The following EXD1 variants were observed in gnomAD, a reference collection of about 807,000 sequenced individuals.
EXD1 encodes the protein piRNA biogenesis protein EXD1.
A neutral mutation model predicts 49.1 loss-of-function variants in EXD1; 63 were observed. That is an observed-to-expected ratio of 1.28 (90% CI 1.05 to 1.58). EXD1 has a LOEUF of 1.58. Among genes scored for constraint, EXD1 ranks in the 40% most tolerant of loss-of-function variants. The pLI, the probability that EXD1 is intolerant of heterozygous loss-of-function variation, is 0.00. For synonymous variants in EXD1, 234 were observed against 239.2 expected (o/e 0.98, Z 0.20); for missense variants, 748 against 666.0 (o/e 1.12, Z -1.36).
intron 6 of EXD1, among the ~76,000 whole-genome samples, chr15:41,211,620 C>T (rs79360426): frequency 0.16 from 24,331 of 151,362 alleles, 3,567 homozygotes; most frequent in African/African-American, 0.39. Flanking sequence ...CCCAGGAGTT[C>T]GAGACCAGCC....
intron 2 of EXD1, among the ~76,000 whole-genome samples, chr15:41,226,134 C>G (rs1455335612): frequency 6.7e-6 from 1 of 148,350 alleles, no homozygotes; most frequent in Non-Finnish European, 1.5e-5. Context: ...TGTCTGTAGT[C>G]CCAGCTACTC....
chr15:41,229,821 C>A (rs1218440444), intron 1 of EXD1, among the ~76,000 whole-genome samples: 3 of 152,282 alleles, frequency 2.0e-5, no homozygotes, highest in Admixed American at 2.0e-4. Flanking sequence ...CAAACTAGAA[C>A]CTCAGCTTGC....
At chr15:41,208,247 T>G (rs1391727820) in intron 7 of EXD1, among the ~76,000 whole-genome samples, 6 of 151,502 alleles carry the variant, frequency 4.0e-5, no homozygotes, top group Admixed American at 6.6e-5. Context: ...AAAGCTAAGC[T>G]TGGCTAGCTG....
chr15:41,216,911 A>G, intron 4 of EXD1, 116 bp from the exon 5 acceptor site: 1 of 1,453,220 alleles, frequency 6.9e-7, no homozygotes, highest in Non-Finnish European at 9.3e-7. Flanking sequence ...TAGAGGACCC[A>G]TTCATCCACT....
chr15:41,216,254 C>T (rs2046997020), intron 5 of EXD1, among the ~76,000 whole-genome samples: 1 of 149,044 alleles, frequency 6.7e-6, no homozygotes, highest in South Asian at 2.1e-4. Context: ...TTCAGGGTTA[C>T]ATCAACTCTA....
chr15:41,196,375 G>T (rs1263900441), intron 7 of EXD1, among the ~76,000 whole-genome samples: 1 of 145,952 alleles, frequency 6.9e-6, no homozygotes, highest in East Asian at 2.0e-4. Context: ...GGAGTGCAGT[G>T]GCGCGATCTT....
chr15:41,224,185 G>T (rs1291926146), intron 2 of EXD1, among the ~76,000 whole-genome samples: 1 of 152,186 alleles, frequency 6.6e-6, no homozygotes, highest in Non-Finnish European at 1.5e-5. Context: ...TGATCCACCA[G>T]CCTCAGCCTC....
At chr15:41,202,884 C>T (rs543860138) in intron 7 of EXD1, among the ~76,000 whole-genome samples, 4 of 148,744 alleles carry the variant, frequency 2.7e-5, no homozygotes, top group East Asian at 2.0e-4. Flanking sequence ...TGCCACTGCA[C>T]TCCAGCCTAG....
intron 7 of EXD1, among the ~76,000 whole-genome samples, chr15:41,202,267 C>T (rs529354501): frequency 1.3e-3 from 191 of 151,966 alleles, no homozygotes; most frequent in Non-Finnish European, 2.0e-3. Flanking sequence ...CTCTGCCTCC[C>T]GGGTTCAAGT....
Position 41,183,819 on chromosome 15 carries a change from T to C in EXD1, c.*112A>G, listed in dbSNP as rs575550820. 367 of 1,043,986 alleles carry C rather than the reference T, an allele frequency of 3.5e-4. 6 individuals are homozygous for C. In the South Asian group the frequency reaches 6.2e-3, roughly 18 times the overall value. 64.7% of individuals were successfully genotyped at this position (1,043,986 alleles called of 1,614,324 possible). A position where few individuals can be genotyped will look rare whatever the true frequency, so the allele number is the denominator to read the frequency against. ...TAAGCAAGAGGATATAATTTTCCCC[T>C]GTGACTGAAGCATTACTACATTTAC... On this transcript the variant is annotated 3_prime_UTR_variant, in exon 12 of 12. Transcript: ENST00000458580.
At position 41,230,527 on chromosome 15, in the gene EXD1, A is replaced by G. The variant is rs2047225462; in HGVS notation, c.-102T>C. On this transcript the variant is annotated 5_prime_UTR_variant, in exon 1 of 12. Coordinates refer to ENST00000458580, the MANE Select transcript of EXD1 (RefSeq NM_001286441.2). ...TCCATCGTTAGGGCTTTTTCCTCCG[A>G]AGGAAGTTTGGGAAATCTGGATCCT... is the stretch of plus-strand genomic sequence containing the variant. The G allele has an allele frequency of 6.2e-7, 1 of 1,614,174 alleles. No individual in the cohort carries two copies. Among genetic ancestry groups the G allele is most frequent in the Non-Finnish European group, 8.5e-7 (1 of 1,180,006 alleles).
At chr15:41,210,591 A>G (rs1462314485) in intron 6 of EXD1, among the ~76,000 whole-genome samples, 1 of 152,180 alleles carries the variant, frequency 6.6e-6, no homozygotes, top group African/African-American at 2.4e-5. Flanking sequence ...TCAGGAGGCT[A>G]AAGTGGGAGG....
chr15:41,206,330 C>T (rs912427237), intron 7 of EXD1, among the ~76,000 whole-genome samples: 2 of 151,620 alleles, frequency 1.3e-5, no homozygotes, highest in South Asian at 2.1e-4. Context: ...ATTAGCCAGG[C>T]GTAGAGGTGA....
intron 9 of EXD1, among the ~76,000 whole-genome samples, chr15:41,192,962 A>G (rs1007920748): frequency 6.6e-6 from 1 of 151,368 alleles, no homozygotes; most frequent in Admixed American, 6.6e-5. Context: ...ACGCCCAGCT[A>G]ATTTTTTGTA....
At chr15:41,205,853 G>T (rs66510055) in intron 7 of EXD1, among the ~76,000 whole-genome samples, 40,541 of 150,442 alleles carry the variant, frequency 0.27, 7,348 homozygotes, top group African/African-American at 0.51. Flanking sequence ...CATTACAGTC[G>T]TAATAACATA....
chr15:41,207,888 G>A (rs528267544), intron 7 of EXD1, among the ~76,000 whole-genome samples: 27 of 151,882 alleles, frequency 1.8e-4, no homozygotes, highest in African/African-American at 6.3e-4. Context: ...GCTCATGCCT[G>A]TAATCCCAGC....
intron 11 of EXD1, 37 bp from the exon 12 acceptor site, chr15:41,184,630 A>T: frequency 9.1e-6 from 14 of 1,530,312 alleles, no homozygotes; most frequent in Non-Finnish European, 1.2e-5. Flanking sequence ...TATTATAACT[A>T]AACTTCTGAA....
At chr15:41,229,419 G>C (rs917713013) in intron 1 of EXD1, among the ~76,000 whole-genome samples, 1 of 152,038 alleles carries the variant, frequency 6.6e-6, no homozygotes, top group African/African-American at 2.4e-5. Flanking sequence ...AGGTTGCAGT[G>C]AGCCGAAAAT....
At chr15:41,224,477 T>C (rs2047133110) in intron 2 of EXD1, among the ~76,000 whole-genome samples, 1 of 152,154 alleles carries the variant, frequency 6.6e-6, no homozygotes, top group African/African-American at 2.4e-5. Context: ...TTGAAACTTA[T>C]CATGCCAGGA....
Sources: gnomAD v4.1 joint callset for allele counts (sites outside exome capture counted in the v4.1 genomes callset) on GRCh38, gnomAD v4.1.1 for gene constraint, MANE v1.5 for transcripts, NCBI Gene and HGNC (gene_info 2026-07-23, HGNC 2026-07-21) for gene names.